The following HLA-DQA1 variants were observed in gnomAD, a reference collection of about 807,000 sequenced individuals.
The protein encoded by HLA-DQA1 is major histocompatibility complex, class II, DQ alpha 1, also known as HLA class II histocompatibility antigen, DQ alpha 1 chain.
HLA-DQA1 carries 10 observed loss-of-function variants against 20.7 expected under a neutral mutation model. That is an observed-to-expected ratio of 0.48 (90% CI 0.30 to 0.82). The LOEUF is 0.82. Among genes scored for constraint, HLA-DQA1 ranks in the 40% least tolerant of loss-of-function variants. HLA-DQA1 has a pLI of 0.07. For missense variants in HLA-DQA1, 127 were observed against 293.0 expected (o/e 0.43, Z 4.14); for synonymous variants, 39 against 109.2 (o/e 0.36, Z 4.01).
In HLA-DQA1 at chr6:32,641,332, T is replaced by G; in HGVS notation, c.105T>G (p.Gly35=). ...DIVADHVASC[G]VNLYQFYGPS... Reference sequence around the variant, plus strand: ...CAGCTGACCACGTTGCCTCTTGTGGTGTAAACTTGTACCAGTTTTACGGTC... The same window carrying G: ...CAGCTGACCACGTTGCCTCTTGTGGGGTAAACTTGTACCAGTTTTACGGTC... Residue 35 remains glycine (G), a synonymous_variant, in exon 2 of 5, where the codon GGT becomes GGG. Coordinates refer to ENST00000343139, the MANE Select transcript of HLA-DQA1 (RefSeq NM_002122.5). The G allele has an allele frequency of 8.2e-7, 1 of 1,224,590 alleles. No homozygotes were observed. The highest frequency in any genetic ancestry group is 1.2e-5 in the South Asian group (1 of 83,884). 75.9% of individuals were successfully genotyped at this position (1,224,590 alleles called of 1,614,324 possible). A position where few individuals can be genotyped will look rare whatever the true frequency, so the allele number is the denominator to read the frequency against.
chr6:32,655,146 G>A, the HLA-DQA1 span, among the ~76,000 whole-genome samples: 45,261 of 102,742 alleles, frequency 0.44, 9,006 homozygotes, highest in Middle Eastern at 0.54. Flanking sequence ...GTATCAAAAA[G>A]TCATGTAGTA....
downstream of HLA-DQA1, among the ~76,000 whole-genome samples, chr6:32,650,844 TATAATAATAATAATAATA>T (rs199519440): frequency 0.16 from 10,035 of 63,594 alleles, 3,522 homozygotes; most frequent in Admixed American, 0.23. Context: ...GAGCTTAAAG[TATAATAATAATAATAATA>T]ATAATAATAA....
downstream of HLA-DQA1, among the ~76,000 whole-genome samples, chr6:32,650,707 G>A (rs375349820): frequency 1.8e-4 from 16 of 89,604 alleles, 4 homozygotes; most frequent in African/African-American, 5.5e-4. Context: ...TCGGGGAGTC[G>A]GGGGTTGGGG....
the HLA-DQA1 span, among the ~76,000 whole-genome samples, chr6:32,653,087 G>A: frequency 2.7e-5 from 4 of 148,914 alleles, no homozygotes; most frequent in Non-Finnish European, 5.9e-5. Flanking sequence ...CAATTCCAGG[G>A]GATGGCTGAC....
the HLA-DQA1 span, among the ~76,000 whole-genome samples, chr6:32,654,754 C>T: frequency 6.2e-5 from 6 of 96,038 alleles, 2 homozygotes; most frequent in Non-Finnish European, 1.2e-4. Context: ...TGGTGGTTCA[C>T]GCCTGTAATT....
chr6:32,649,386 C>T (rs1782094411), downstream of HLA-DQA1, among the ~76,000 whole-genome samples: 1 of 96,800 alleles, frequency 1.0e-5, no homozygotes, highest in African/African-American at 3.6e-5. Context: ...GCAAAGAAAC[C>T]TAAGCAAAAA....
At chr6:32,647,874 G>A (rs17843582), downstream of HLA-DQA1, among the ~76,000 whole-genome samples, 85,570 of 150,814 alleles carry the variant, frequency 0.57, 24,523 homozygotes, top group Middle Eastern at 0.7. Context: ...ACTTTGTTAT[G>A]AGTATCATTA....
At chr6:32,638,862 A>G (rs1043269734) in intron 1 of HLA-DQA1, 1 of 261,216 alleles carries the variant, frequency 3.8e-6, no homozygotes, top group Non-Finnish European at 7.7e-6. Context: ...TTTGTCGTCC[A>G]TCTCTTTCCA....
chr6:32,653,544 A>C, the HLA-DQA1 span, among the ~76,000 whole-genome samples: 2 of 92,602 alleles, frequency 2.2e-5, 1 homozygote, highest in Non-Finnish European at 4.8e-5. Flanking sequence ...TACAGGCGTG[A>C]ACCACTGTGG....
chr6:32,653,840 T>TG, the HLA-DQA1 span, among the ~76,000 whole-genome samples: 3 of 83,194 alleles, frequency 3.6e-5, no homozygotes, highest in Non-Finnish European at 5.4e-5. Context: ...TTTTACATCA[T>TG]TATGTTAAAG....
chr6:32,638,955 G>C (rs28383357), intron 1 of HLA-DQA1: 1 of 343,658 alleles, frequency 2.9e-6, no homozygotes, highest in South Asian at 2.1e-5. Flanking sequence ...ATGGACAGTG[G>C]GTTTGTAAAA....
chr6:32,642,825 A>T lies in HLA-DQA1; in HGVS notation c.*20+41A>T. 2 of 1,005,290 alleles carry T rather than the reference A, an allele frequency of 2.0e-6. 1 individual carries two copies. Among genetic ancestry groups the T allele is most frequent in the Non-Finnish European group, 2.8e-6 (2 of 709,488 alleles). The allele number at this position is 1,005,290 out of a possible 1,614,324, so 62.3% of individuals were successfully genotyped here. On this transcript the variant is annotated intron_variant, in intron 4 of 4. Transcript: ENST00000343139. ...GTTACAGTTGAAGCGGCAGTATGAA[A>T]GGAAGGAAAGTGGGAGGGCGTTGTG...
At chr6:32,637,931 G>A (rs9272468) in intron 1 of HLA-DQA1, among the ~76,000 whole-genome samples, 18,432 of 81,416 alleles carry the variant, frequency 0.23, 3,781 homozygotes, top group East Asian at 0.33. Context: ...TGTCTCCGGT[G>A]GTAGATCTTG....
the HLA-DQA1 span, among the ~76,000 whole-genome samples, chr6:32,653,725 G>C: frequency 0.01 from 868 of 83,778 alleles, 44 homozygotes; most frequent in Admixed American, 0.012. Context: ...CTCACAATGG[G>C]CAAGAGATGG....
chr6:32,655,261 T>TTATTTTTTTTAATTTG, the HLA-DQA1 span, among the ~76,000 whole-genome samples: 1 of 142,056 alleles, frequency 7.0e-6, no homozygotes, highest in Non-Finnish European at 1.5e-5. Flanking sequence ...AGTTTTCTGT[T>TTATTTTTTTTAATTTG]TTTTAAAATC....
rs1781172394 is a variant in HLA-DQA1 at position 32,639,212 on chromosome 6, C to G, written c.82+1672C>G. 1.4e-5 allele frequency: 2 copies of G among 138,110 alleles called. 1 individual carries two copies. Among genetic ancestry groups the G allele is most frequent in the African/African-American group, 6.1e-5 (2 of 32,586 alleles). The allele number at this position is 138,110 out of a possible 1,614,324, so 8.6% of individuals were successfully genotyped here. On this transcript the variant is annotated intron_variant, in intron 1 of 4. Transcript: ENST00000343139. The stretch of plus-strand genomic sequence containing the variant: ...TGGGCAGTGCAGGGGACCCTCCATA[C>G]TGTAAAGCCACATGAGAAGGTTTTA...
downstream of HLA-DQA1, chr6:32,644,281 A>G (rs1292598193): frequency 6.6e-6 from 1 of 152,212 alleles, no homozygotes; most frequent in African/African-American, 2.4e-5. Flanking sequence ...TAACCATGCT[A>G]CCTGCATCAG....
chr6:32,642,096 G>C lies in HLA-DQA1; in HGVS notation c.456G>C (p.Gln152His), dbSNP rs707950. ...ACATCACATGGCTGAGCAATGGGCAGTCAGTCACAGAAGGTGTTTCTGAGA... is the reference window on the plus strand; with the variant it reads ...ACATCACATGGCTGAGCAATGGGCACTCAGTCACAGAAGGTGTTTCTGAGA... ...VVNITWLSNG[Q>H]SVTEGVSETS... The change falls in exon 3 of 5, where the codon CAG (glutamine) becomes CAC (histidine). Residue 152 changes from glutamine to histidine, a missense_variant. Coordinates refer to ENST00000343139, the MANE Select transcript of HLA-DQA1 (RefSeq NM_002122.5). 0.36 allele frequency: 340,921 copies of C among 937,198 alleles called. 147,241 individuals are homozygous for C. Among genetic ancestry groups the C allele is most frequent in the South Asian group, 0.64 (45,539 of 70,798 alleles). 58.1% of individuals were successfully genotyped at this position (937,198 alleles called of 1,614,324 possible).
chr6:32,652,580 A>G, the HLA-DQA1 span, among the ~76,000 whole-genome samples: 163 of 138,260 alleles, frequency 1.2e-3, 5 homozygotes, highest in East Asian at 0.028. Flanking sequence ...CAATTTTTTC[A>G]ACTTTTAGAA....
Sources: gnomAD v4.1 joint callset for allele counts (sites outside exome capture counted in the v4.1 genomes callset) on GRCh38, gnomAD v4.1.1 for gene constraint, MANE v1.5 for transcripts, NCBI Gene and HGNC (gene_info 2026-07-23, HGNC 2026-07-21) for gene names.